RPS6KC1: variants seen among roughly 807,000 people sequenced by gnomAD.
The protein encoded by RPS6KC1 is inactive ribosomal protein S6 kinase delta-1.
RPS6KC1 carries 54 observed loss-of-function variants against 103.8 expected under a neutral mutation model. The observed-to-expected ratio is 0.52, with a 90% CI of 0.42 to 0.65. RPS6KC1 has a LOEUF of 0.65. Ranked by LOEUF, RPS6KC1 falls within the 30% of genes least tolerant of loss-of-function variation. The probability of loss-of-function intolerance (pLI) is 0.00; values close to 1 mark genes in which losing one functional copy is unlikely to be tolerated. For synonymous variants in RPS6KC1, 439 were observed against 438.7 expected (o/e 1.00, Z -0.01); for missense variants, 1,151 against 1,253.8 (o/e 0.92, Z 1.24).
At chr1:213,198,215 G>A (rs556379917) in intron 8 of RPS6KC1, among the ~76,000 whole-genome samples, 43 of 152,212 alleles carry the variant, frequency 2.8e-4, no homozygotes, top group Non-Finnish European at 5.9e-4. Context: ...ATGAAGCTTA[G>A]TTTTGCTGGA....
the RPS6KC1 span, among the ~76,000 whole-genome samples, chr1:213,691,811 G>A: frequency 6.6e-6 from 1 of 152,104 alleles, no homozygotes; most frequent in Non-Finnish European, 1.5e-5. Context: ...AAGCTAATCA[G>A]GACTCCAGTC....
At chr1:213,443,875 G>A in the RPS6KC1 span, among the ~76,000 whole-genome samples, 578 of 151,934 alleles carry the variant, frequency 3.8e-3, 9 homozygotes, top group African/African-American at 0.013. Flanking sequence ...ACTTGAGCCT[G>A]GGCAATCAGA....
At chr1:213,372,237 G>A in the RPS6KC1 span, among the ~76,000 whole-genome samples, 4 of 152,178 alleles carry the variant, frequency 2.6e-5, no homozygotes, top group African/African-American at 9.6e-5. Context: ...CACTTGGGCC[G>A]CGGCCTCCAG....
intron 3 of RPS6KC1, among the ~76,000 whole-genome samples, chr1:213,091,124 C>G (rs557862332): frequency 6.6e-6 from 1 of 151,332 alleles, no homozygotes; most frequent in East Asian, 2.0e-4. Context: ...GTGGCGTGAT[C>G]TCGGCTTACT....
At chr1:213,712,776 G>A in the RPS6KC1 span, among the ~76,000 whole-genome samples, 75 of 152,230 alleles carry the variant, frequency 4.9e-4, no homozygotes, top group South Asian at 8.7e-3. Flanking sequence ...GGAGTTCCCC[G>A]ATCTCTTCAA....
intron 1 of RPS6KC1, among the ~76,000 whole-genome samples, chr1:213,060,672 A>G (rs1448758144): frequency 6.6e-6 from 1 of 152,220 alleles, no homozygotes; most frequent in Non-Finnish European, 1.5e-5. Flanking sequence ...ACTTTCTTTA[A>G]CATTAAGGAT....
the RPS6KC1 span, among the ~76,000 whole-genome samples, chr1:213,846,013 C>T: frequency 2.6e-5 from 4 of 151,848 alleles, no homozygotes; most frequent in Non-Finnish European, 4.4e-5. Context: ...AAAGGGCAGG[C>T]CGGGCGGGGT....
chr1:213,174,375 G>A (rs537905453), intron 7 of RPS6KC1, among the ~76,000 whole-genome samples: 8 of 152,272 alleles, frequency 5.3e-5, no homozygotes, highest in Non-Finnish European at 1.0e-4. Flanking sequence ...AGATAGAAAA[G>A]ACTGTTTCTA....
At chr1:213,577,387 A>G in the RPS6KC1 span, among the ~76,000 whole-genome samples, 1 of 152,210 alleles carries the variant, frequency 6.6e-6, no homozygotes, top group Admixed American at 6.5e-5. Context: ...GCAGTATGAA[A>G]GAGGACTAAT....
At chr1:213,338,250 C>T in the RPS6KC1 span, among the ~76,000 whole-genome samples, 1 of 152,178 alleles carries the variant, frequency 6.6e-6, no homozygotes. Context: ...CTTCACTCCC[C>T]CTTATGTGAT....
the RPS6KC1 span, chr1:213,837,189 T>A: frequency 6.6e-6 from 1 of 152,138 alleles, no homozygotes; most frequent in Non-Finnish European, 1.5e-5. Flanking sequence ...GCCAGTTTTT[T>A]AAAAATAGAA....
intron 8 of RPS6KC1, among the ~76,000 whole-genome samples, chr1:213,196,075 A>G (rs1344716168): frequency 1.3e-5 from 2 of 152,154 alleles, no homozygotes; most frequent in African/African-American, 4.8e-5. Context: ...GATAATGGTT[A>G]TACTAGTTTA....
chr1:213,567,524 C>A, the RPS6KC1 span, among the ~76,000 whole-genome samples: 1 of 152,184 alleles, frequency 6.6e-6, no homozygotes, highest in African/African-American at 2.4e-5. Context: ...CTGGAAATTT[C>A]TCTCACTTTC....
the RPS6KC1 span, among the ~76,000 whole-genome samples, chr1:213,706,184 T>C: frequency 2.0e-5 from 3 of 152,316 alleles, no homozygotes; most frequent in Non-Finnish European, 2.9e-5. Context: ...CCTTATGGCC[T>C]AGACTGCCTT....
chr1:213,096,306 C>A (rs946974164), intron 3 of RPS6KC1, among the ~76,000 whole-genome samples: 1 of 152,220 alleles, frequency 6.6e-6, no homozygotes, highest in Non-Finnish European at 1.5e-5. Flanking sequence ...CATTCTCTTG[C>A]TATTTCTACC....
At chr1:213,660,530 T>C in the RPS6KC1 span, among the ~76,000 whole-genome samples, 1 of 152,224 alleles carries the variant, frequency 6.6e-6, no homozygotes, top group Non-Finnish European at 1.5e-5. Flanking sequence ...ATTTTGTACC[T>C]ACTGTGTGCC....
chr1:213,667,873 C>T, the RPS6KC1 span, among the ~76,000 whole-genome samples: 6 of 152,218 alleles, frequency 3.9e-5, no homozygotes, highest in African/African-American at 9.6e-5. Flanking sequence ...CAAGAAACCA[C>T]GTTCTTTACT....
chr1:213,630,430 C>G, the RPS6KC1 span, among the ~76,000 whole-genome samples: 2 of 152,354 alleles, frequency 1.3e-5, no homozygotes, highest in Non-Finnish European at 2.9e-5. Context: ...TCAGCTCCAT[C>G]AGGTCCTTTA....
At chr1:213,291,953 C>T in the RPS6KC1 span, among the ~76,000 whole-genome samples, 1 of 152,148 alleles carries the variant, frequency 6.6e-6, no homozygotes, top group Non-Finnish European at 1.5e-5. Flanking sequence ...CCAGTTTCAG[C>T]TTTCTACATA....
Sources: allele counts gnomAD v4.1 joint callset (sites outside exome capture counted in the v4.1 genomes callset), GRCh38; gene constraint gnomAD v4.1.1; transcripts MANE v1.5; gene names NCBI Gene and HGNC (gene_info 2026-07-23, HGNC 2026-07-21).